The following ITSN1 variants were observed in gnomAD, a reference collection of about 807,000 sequenced individuals.
The protein encoded by ITSN1 is intersectin 1, also known as intersectin-1.
In ITSN1, 58 loss-of-function variants were observed where a neutral mutation model predicts 239.8. The observed-to-expected ratio is 0.24, with a 90% CI of 0.20 to 0.30. The LOEUF (loss-of-function observed/expected upper bound fraction) is 0.30, where lower values mean the gene tolerates loss of function less well. ITSN1 is among the 10% of genes least tolerant of loss of function. ITSN1 has a pLI of 1.00. For missense variants in ITSN1, 1,558 were observed against 2,103.3 expected (o/e 0.74, Z 5.07); for synonymous variants, 780 against 770.8 (o/e 1.01, Z -0.20).
intron 5 of ITSN1, among the ~76,000 whole-genome samples, chr21:33,736,378 G>A (rs1433624143): frequency 2.6e-5 from 4 of 152,156 alleles, no homozygotes; most frequent in African/African-American, 9.7e-5. Context: ...TAAAAACAAT[G>A]TATTGCCTTT....
intron 4 of ITSN1, among the ~76,000 whole-genome samples, chr21:33,733,669 T>G (rs2147243029): frequency 6.6e-6 from 1 of 152,214 alleles, no homozygotes; most frequent in South Asian, 2.1e-4. Context: ...GAATAAGCAG[T>G]TCATAGAAGT....
intron 35 of ITSN1, among the ~76,000 whole-genome samples, chr21:33,883,340 C>G (rs1387240761): frequency 1.3e-5 from 2 of 152,184 alleles, no homozygotes; most frequent in Admixed American, 1.3e-4. Context: ...AACACACACG[C>G]CCTTAGTCTG....
At position 33,854,147 on chromosome 21, in the gene ITSN1, T is replaced by A. The variant is rs116454289; in HGVS notation, c.3662-2589T>A. ...GCCCTAAAGGTGTGCATTGTACACA[T>A]GTATTCGCTGCAGCAAGAACCCATA... On this transcript the variant is annotated intron_variant, in intron 29 of 39. Transcript: ENST00000381318. 9.6e-3 allele frequency among the ~76,000 whole-genome samples: 1,458 copies of A among 152,316 alleles called. 23 individuals carry two copies. Among genetic ancestry groups the A allele is most frequent in the African/African-American group, 0.033 (1,363 of 41,562 alleles).
At chr21:33,863,428 G>T (rs1001855007) in intron 31 of ITSN1, among the ~76,000 whole-genome samples, 1 of 152,202 alleles carries the variant, frequency 6.6e-6, no homozygotes, top group Admixed American at 6.5e-5. Flanking sequence ...GGCCAAGGTG[G>T]GTGGATCACT....
At chr21:33,659,918 T>C (rs918516608) in intron 1 of ITSN1, among the ~76,000 whole-genome samples, 1 of 151,682 alleles carries the variant, frequency 6.6e-6, no homozygotes, top group Non-Finnish European at 1.5e-5. Flanking sequence ...AGATGGGATC[T>C]CACTGGTCTC....
At chr21:33,709,724 C>G (rs1032008161) in intron 1 of ITSN1, among the ~76,000 whole-genome samples, 2 of 151,978 alleles carry the variant, frequency 1.3e-5, no homozygotes, top group African/African-American at 4.8e-5. Context: ...ACCTTTTATC[C>G]TGCAGTTTTG....
intron 1 of ITSN1, among the ~76,000 whole-genome samples, chr21:33,717,505 T>A (rs2065221504): frequency 6.6e-6 from 1 of 151,978 alleles, no homozygotes; most frequent in African/African-American, 2.4e-5. Flanking sequence ...TCAATACTCA[T>A]TTTTAACTGT....
intron 22 of ITSN1, among the ~76,000 whole-genome samples, chr21:33,815,885 GACAA>G (rs2073232526): frequency 9.0e-6 from 1 of 111,234 alleles, no homozygotes; most frequent in Non-Finnish European, 2.2e-5. Flanking sequence ...TGAGGGATCC[GACAA>G]AGAAGAATGA....
chr21:33,671,385 C>G (rs764209194), intron 1 of ITSN1, among the ~76,000 whole-genome samples: 30 of 151,946 alleles, frequency 2.0e-4, no homozygotes, highest in Non-Finnish European at 3.8e-4. Context: ...CTCCCGGATT[C>G]AAGTGATTCT....
intron 1 of ITSN1, among the ~76,000 whole-genome samples, chr21:33,713,171 C>T (rs931252706): frequency 6.6e-6 from 1 of 152,160 alleles, no homozygotes; most frequent in Non-Finnish European, 1.5e-5. Context: ...AGCCACCGTG[C>T]CTGACCAGGT....
chr21:33,691,230 A>G (rs934687565), intron 1 of ITSN1, among the ~76,000 whole-genome samples: 1 of 152,152 alleles, frequency 6.6e-6, no homozygotes, highest in Non-Finnish European at 1.5e-5. Flanking sequence ...AGTAACTGTC[A>G]TATAATAAAC....
intron 1 of ITSN1, among the ~76,000 whole-genome samples, chr21:33,644,654 A>ATTT (rs34233415): frequency 2.2e-5 from 3 of 138,912 alleles, no homozygotes; most frequent in African/African-American, 7.9e-5. Flanking sequence ...CGCTGTTAGC[A>ATTT]TTTTTTTTTT....
chr21:33,670,412 T>G (rs760516399), intron 1 of ITSN1, among the ~76,000 whole-genome samples: 1 of 152,094 alleles, frequency 6.6e-6, no homozygotes, highest in Non-Finnish European at 1.5e-5. Context: ...TATGATTTGG[T>G]TATTAACTTA....
At chr21:33,747,985 A>G (rs1241795662) in intron 5 of ITSN1, among the ~76,000 whole-genome samples, 2 of 152,192 alleles carry the variant, frequency 1.3e-5, no homozygotes, top group Non-Finnish European at 2.9e-5. Flanking sequence ...AAGATATAAG[A>G]TTGTATAAAG....
chr21:33,658,232 G>A (rs1256957573), intron 1 of ITSN1, among the ~76,000 whole-genome samples: 3 of 152,098 alleles, frequency 2.0e-5, no homozygotes, highest in Non-Finnish European at 2.9e-5. Flanking sequence ...CATCCTCATT[G>A]TCTTCACGTT....
intron 1 of ITSN1, among the ~76,000 whole-genome samples, chr21:33,690,846 T>TA (rs2091510832): frequency 2.1e-5 from 1 of 47,048 alleles, no homozygotes; most frequent in Non-Finnish European, 4.4e-5. Context: ...TATGTAAAAG[T>TA]TAAAAAAAAA....
chr21:33,722,727 A>G, intron 4 of ITSN1, 76 bp downstream of exon 4: 1 of 1,334,532 alleles, frequency 7.5e-7, no homozygotes, highest in South Asian at 1.6e-5. Context: ...ATTTGGTAAT[A>G]TGATTTCTTA....
chr21:33,697,362 G>A (rs1289459150), intron 1 of ITSN1, among the ~76,000 whole-genome samples: 1 of 151,170 alleles, frequency 6.6e-6, no homozygotes, highest in Non-Finnish European at 1.5e-5. Context: ...GATTACAGGT[G>A]TGAGCCACTG....
intron 11 of ITSN1, among the ~76,000 whole-genome samples, chr21:33,770,393 C>A (rs1219046715): frequency 6.6e-6 from 1 of 152,100 alleles, no homozygotes; most frequent in Non-Finnish European, 1.5e-5. Context: ...TCCAGAGGCT[C>A]CATCTCCAAA....
Sources: gnomAD v4.1 joint callset for allele counts (sites outside exome capture counted in the v4.1 genomes callset) on GRCh38, gnomAD v4.1.1 for gene constraint, MANE v1.5 for transcripts, NCBI Gene and HGNC (gene_info 2026-07-23, HGNC 2026-07-21) for gene names.